TASP1: variants seen among roughly 807,000 people sequenced by gnomAD.
TASP1 encodes taspase 1.
In TASP1, 16 loss-of-function variants were observed where a neutral mutation model predicts 56.6. The observed-to-expected ratio is 0.28, with a 90% confidence interval of 0.19 to 0.43. The LOEUF (loss-of-function observed/expected upper bound fraction) is 0.43, where lower values mean the gene tolerates loss of function less well. Among genes scored for constraint, TASP1 ranks in the 20% least tolerant of loss-of-function variants. The pLI is 1.00. For missense variants in TASP1, 393 were observed against 511.6 expected (o/e 0.77, Z 2.24); for synonymous variants, 179 against 184.2 (o/e 0.97, Z 0.23).
chr20:13,565,892 TAG>T (rs1433414239), intron 7 of TASP1, among the ~76,000 whole-genome samples: 1 of 152,186 alleles, frequency 6.6e-6, no homozygotes, highest in African/African-American at 2.4e-5. Context: ...GATATTTGCA[TAG>T]CCATGTTCAC....
the TASP1 span, among the ~76,000 whole-genome samples, chr20:13,122,161 AT>A: frequency 1.3e-5 from 2 of 152,168 alleles, no homozygotes; most frequent in African/African-American, 2.4e-5. Flanking sequence ...GACGGTCAAT[AT>A]TTAGCAGGCC....
chr20:13,625,716 A>G (rs1414617274), intron 2 of TASP1, among the ~76,000 whole-genome samples: 1 of 152,244 alleles, frequency 6.6e-6, no homozygotes, highest in Non-Finnish European at 1.5e-5. Context: ...TAACATTTGA[A>G]GTTGAGGTGT....
chr20:13,554,693 TTA>T (rs2046097096), intron 8 of TASP1, among the ~76,000 whole-genome samples: 1 of 152,166 alleles, frequency 6.6e-6, no homozygotes, highest in African/African-American at 2.4e-5. Flanking sequence ...CACATAAAAG[TTA>T]TGTTTACACT....
At chr20:13,635,781 C>T (rs1172954898) in intron 1 of TASP1, among the ~76,000 whole-genome samples, 2 of 152,184 alleles carry the variant, frequency 1.3e-5, no homozygotes, top group Non-Finnish European at 2.9e-5. Context: ...TTACCTATAG[C>T]CACAAGTTTT....
rs1036591342 is a variant in TASP1 at position 13,454,484 on chromosome 20, T to C, written c.986-19330A>G. 1.9e-4 allele frequency among the ~76,000 whole-genome samples: 29 copies of C among 152,228 alleles called. 1 individual carries two copies. Among genetic ancestry groups the C allele is most frequent in the African/African-American group, 7.0e-4 (29 of 41,568 alleles). On this transcript the variant is annotated intron_variant, in intron 11 of 13. Transcript: ENST00000337743. ...AGTACTTAGTATATGCCATAGCATA[T>C]GCTGCTTAGAGTAGAAGTGGGACAA...
chr20:13,170,760 C>A, the TASP1 span, among the ~76,000 whole-genome samples: 1 of 152,196 alleles, frequency 6.6e-6, no homozygotes, highest in Non-Finnish European at 1.5e-5. Context: ...AGGGATAGGT[C>A]TGGCTCCAAT....
At chr20:13,486,778 C>A (rs889806124) in intron 10 of TASP1, among the ~76,000 whole-genome samples, 1 of 152,150 alleles carries the variant, frequency 6.6e-6, no homozygotes, top group Non-Finnish European at 1.5e-5. Flanking sequence ...GTCTTGTCCA[C>A]TGCCCAAAAA....
the TASP1 span, among the ~76,000 whole-genome samples, chr20:13,224,070 T>C: frequency 6.6e-6 from 1 of 152,096 alleles, no homozygotes; most frequent in African/African-American, 2.4e-5. Context: ...ACACAACAAA[T>C]GGGGGATTTA....
intron 10 of TASP1, among the ~76,000 whole-genome samples, chr20:13,509,124 AGTGTGTGTGTGTGTGT>A (rs71334125): frequency 4.2e-5 from 6 of 142,778 alleles, no homozygotes; most frequent in Admixed American, 7.0e-5. Flanking sequence ...GAATGAAGAA[AGTGTGTGTGTGTGTGT>A]GTGTGTGTGT....
At chr20:13,584,034 G>A (rs536928640) in intron 5 of TASP1, among the ~76,000 whole-genome samples, 20 of 152,154 alleles carry the variant, frequency 1.3e-4, no homozygotes, top group African/African-American at 3.4e-4. Flanking sequence ...AGCCAAGATC[G>A]CACCACTGCA....
At chr20:13,264,108 T>C in the TASP1 span, among the ~76,000 whole-genome samples, 1 of 152,122 alleles carries the variant, frequency 6.6e-6, no homozygotes. Context: ...CTAGTACTTA[T>C]TTGTTGCCCC....
At chr20:13,358,165 G>T in the TASP1 span, among the ~76,000 whole-genome samples, 1 of 152,132 alleles carries the variant, frequency 6.6e-6, no homozygotes, top group Non-Finnish European at 1.5e-5. Context: ...AACCCCCTTT[G>T]ACTGTAATTT....
At chr20:13,327,523 AG>A in the TASP1 span, among the ~76,000 whole-genome samples, 2 of 152,224 alleles carry the variant, frequency 1.3e-5, no homozygotes, top group Non-Finnish European at 2.9e-5. Context: ...AAAAGAACAA[AG>A]CTGGAGGCAT....
intron 11 of TASP1, among the ~76,000 whole-genome samples, chr20:13,439,491 C>T (rs1307855278): frequency 6.6e-6 from 1 of 152,082 alleles, no homozygotes; most frequent in Non-Finnish European, 1.5e-5. Flanking sequence ...GAACATCACA[C>T]ACCGGGGCCT....
chr20:13,234,327 G>A, the TASP1 span, among the ~76,000 whole-genome samples: 1 of 152,166 alleles, frequency 6.6e-6, no homozygotes, highest in Non-Finnish European at 1.5e-5. Context: ...GTATTCCATG[G>A]TATATTTCTT....
At chr20:13,224,995 GC>G in the TASP1 span, among the ~76,000 whole-genome samples, 14 of 150,438 alleles carry the variant, frequency 9.3e-5, 1 homozygote, top group African/African-American at 2.9e-4. Flanking sequence ...ACAGGCGCCT[GC>G]CACCACGCCC....
chr20:13,598,838 G>GA (rs1176912248), intron 4 of TASP1, among the ~76,000 whole-genome samples: 2 of 151,612 alleles, frequency 1.3e-5, no homozygotes, highest in South Asian at 2.1e-4. Context: ...AAATTTACAA[G>GA]AAAAAAACCC....
the TASP1 span, chr20:13,221,720 T>G: frequency 4.5e-6 from 6 of 1,322,548 alleles, no homozygotes; most frequent in Non-Finnish European, 5.8e-6. Context: ...TCCCCCGGCG[T>G]CACCGCCGCC....
At chr20:13,359,528 T>A in the TASP1 span, among the ~76,000 whole-genome samples, 1 of 151,554 alleles carries the variant, frequency 6.6e-6, no homozygotes, top group African/African-American at 2.4e-5. Context: ...CGTCCCCTTC[T>A]TAATCAATAC....
Sources: gnomAD v4.1 joint callset for allele counts (sites outside exome capture counted in the v4.1 genomes callset) on GRCh38, gnomAD v4.1.1 for gene constraint, MANE v1.5 for transcripts, NCBI Gene and HGNC (gene_info 2026-07-23, HGNC 2026-07-21) for gene names.